SLC25A29: variants seen among roughly 807,000 people sequenced by gnomAD.
SLC25A29 encodes the protein solute carrier family 25 member 29, also known as mitochondrial basic amino acids transporter.
A neutral mutation model predicts 10.0 loss-of-function variants in SLC25A29; 13 were observed. That is an observed-to-expected ratio of 1.30 (90% confidence interval 0.85 to 2.07). The LOEUF is 2.07. SLC25A29 is among the 30% of genes most tolerant of loss of function. The pLI, the probability that SLC25A29 is intolerant of heterozygous loss-of-function variation, is 0.00. For synonymous variants in SLC25A29, 244 were observed against 221.1 expected, an observed-to-expected ratio of 1.10 and a Z score of -0.92; for missense variants, 475 against 447.6, an observed-to-expected ratio of 1.06 and a Z score of -0.55.
At chr14:100,301,331 A>G (rs1031637448) in intron 1 of SLC25A29, among the ~76,000 whole-genome samples, 2 of 151,078 alleles carry the variant, frequency 1.3e-5, no homozygotes, top group Non-Finnish European at 2.9e-5. Flanking sequence ...ACACCCAGCT[A>G]ATTTTTGTAT....
rs1891731900 is a variant in SLC25A29, at chr14:100,292,017, G to GT, written c.*265_*266insA. 3 of 497,010 alleles carry GT rather than the reference G, an allele frequency of 6.0e-6. No individual in the cohort carries two copies. Among genetic ancestry groups the GT allele is most frequent in the Non-Finnish European group, 1.1e-5 (3 of 279,476 alleles). The allele number at this position is 497,010 out of a possible 1,614,324, so 30.8% of individuals were successfully genotyped here. A position where few individuals can be genotyped will look rare whatever the true frequency, so the allele number is the denominator to read the frequency against. On this transcript the variant is annotated 3_prime_UTR_variant, in exon 4 of 4. Coordinates refer to ENST00000359232, the MANE Select transcript of SLC25A29 (RefSeq NM_001039355.3). ...ATAACGGTGCAATGGCCTCAGCCAG[G>GT]CCAGGTGCTGGCTGCTGCTGGGAAT...
chr14:100,292,977 TTGA>T lies in SLC25A29; in HGVS notation c.215_217del (p.Ile72del), dbSNP rs749365512. The T allele has an allele frequency of 7.5e-6, 12 of 1,596,818 alleles. No individual in the cohort carries two copies. The highest frequency in any genetic ancestry group is 9.4e-6 in the Non-Finnish European group (11 of 1,172,184). On this transcript the variant is annotated inframe_deletion, in exon 4 of 4. Coordinates refer to ENST00000359232, the MANE Select transcript of SLC25A29 (RefSeq NM_001039355.3). Reference sequence around the variant, plus strand: ...GCCCTGCACCCCGAACACCAGCGCGTTGATGAAGGTGAGCCCCATGAGCGGCGA... The same window carrying T: ...GCCCTGCACCCCGAACACCAGCGCGTTGAAGGTGAGCCCCATGAGCGGCGA...
chr14:100,293,248 T>C, intron 3 of SLC25A29, 46 bp downstream of exon 3: 2 of 1,596,526 alleles, frequency 1.3e-6, no homozygotes, highest in Non-Finnish European at 1.7e-6. Flanking sequence ...CGGAAGCTAG[T>C]TCCCCATCCT....
At position 100,292,471 on chromosome 14, in the gene SLC25A29, C is replaced by T; in HGVS notation, c.724G>A (p.Glu242Lys). The change falls in exon 4 of 4, where the codon GAG (glutamate) becomes AAG (lysine). Residue 242 changes from glutamate to lysine, a missense_variant. Glu to Lys is a moderately conservative substitution (Grantham distance 56). Transcript: ENST00000359232. ...LDCVHQSYRA[E>K]GWRVFTRGLA... ...CCCCGTGTGAAGACGCGCCAGCCCT[C>T]GGCGCGGTAGCTCTGGTGCACGCAG... The T allele has an allele frequency of 2.5e-6, 4 of 1,581,370 alleles. No individual in the cohort carries two copies. Among genetic ancestry groups the T allele is most frequent in the Non-Finnish European group, 3.4e-6 (4 of 1,165,650 alleles).
chr14:100,285,914 G>A, the SLC25A29 span, among the ~76,000 whole-genome samples: 1 of 152,180 alleles, frequency 6.6e-6, no homozygotes, highest in Non-Finnish European at 1.5e-5. Flanking sequence ...ACAGGGCCTT[G>A]GGGTGCCGGC....
chr14:100,289,401 GC>G (rs749181965), downstream of SLC25A29, among the ~76,000 whole-genome samples: 1 of 152,214 alleles, frequency 6.6e-6, no homozygotes, highest in Non-Finnish European at 1.5e-5. Context: ...TGTGTTGGAT[GC>G]CCTCTGGGAA....
At chr14:100,279,639 G>A in the SLC25A29 span, 1 of 152,298 alleles carries the variant, frequency 6.6e-6, no homozygotes, top group Non-Finnish European at 1.5e-5. Flanking sequence ...ATGAGAACGT[G>A]TAGTTCTTTG....
At chr14:100,285,058 GTA>G in the SLC25A29 span, among the ~76,000 whole-genome samples, 1 of 136,860 alleles carries the variant, frequency 7.3e-6, no homozygotes, top group African/African-American at 2.8e-5. Context: ...GGGGGGCGGG[GTA>G]GCTAGGGAGG....
At chr14:100,287,156 G>A (rs537758064), downstream of SLC25A29, among the ~76,000 whole-genome samples, 32 of 152,386 alleles carry the variant, frequency 2.1e-4, 1 homozygote, top group South Asian at 4.3e-3. Flanking sequence ...CCAGGCCAAT[G>A]ATGAGAAGGG....
At position 100,299,425 on chromosome 14, in the gene SLC25A29, C is replaced by G. The variant is rs1892393495; in HGVS notation, c.35-540G>C. 2.0e-5 allele frequency: 20 copies of G among 995,038 alleles called. 1 individual carries two copies. The South Asian group carries it at 8.8e-4, about 44-fold the overall frequency. The allele number at this position is 995,038 out of a possible 1,614,324, so 61.6% of individuals were successfully genotyped here. A position where few individuals can be genotyped will look rare whatever the true frequency, so the allele number is the denominator to read the frequency against. On this transcript the variant is annotated intron_variant, in intron 1 of 3. Coordinates refer to ENST00000359232, the MANE Select transcript of SLC25A29 (RefSeq NM_001039355.3). ...CCCCAGAGTGGCCACGGAGACTGAACAGGGTAATGGCCCCTTGGGAGTGAC... is the reference window on the plus strand; with the variant it reads ...CCCCAGAGTGGCCACGGAGACTGAAGAGGGTAATGGCCCCTTGGGAGTGAC...
intron 2 of SLC25A29, 41 bp from the exon 3 acceptor site, chr14:100,293,418 C>G: frequency 8.2e-6 from 13 of 1,586,450 alleles, no homozygotes; most frequent in Non-Finnish European, 1.1e-5. Flanking sequence ...CAGGCAGGAC[C>G]AGAGCACCCA....
chr14:100,288,354 C>T (rs1309938188), downstream of SLC25A29, among the ~76,000 whole-genome samples: 1 of 113,314 alleles, frequency 8.8e-6, no homozygotes, highest in Non-Finnish European at 1.7e-5. Context: ...TGCACTCCAG[C>T]CTGGGTGAAA....
chr14:100,285,690 G>A, the SLC25A29 span, among the ~76,000 whole-genome samples: 1 of 152,036 alleles, frequency 6.6e-6, no homozygotes, highest in Admixed American at 6.5e-5. Flanking sequence ...GAGGCCTCGG[G>A]CGGAGGAGAC....
At chr14:100,306,063 C>T (rs935033912) in intron 1 of SLC25A29, 136 bp downstream of exon 1, 1 of 566,734 alleles carries the variant, frequency 1.8e-6, no homozygotes, top group Non-Finnish European at 2.8e-6. Flanking sequence ...CCGCCCGAGG[C>T]AAGAGAACTG....
chr14:100,292,475 G>A lies in SLC25A29; in HGVS notation c.720C>T (p.Arg240=), dbSNP rs542481336. The change falls in exon 4 of 4, where the codon CGC becomes CGT. Residue 240 remains arginine (R), a synonymous_variant. Transcript: ENST00000359232. ...GTGTGAAGACGCGCCAGCCCTCGGC[G>A]CGGTAGCTCTGGTGCACGCAGTCCA... ...GILDCVHQSY[R]AEGWRVFTRG... The A allele has an allele frequency of 3.2e-6, 5 of 1,583,048 alleles. No individual in the cohort carries two copies. Among genetic ancestry groups the A allele is most frequent in the South Asian group, 1.1e-5 (1 of 87,432 alleles).
intron 1 of SLC25A29, among the ~76,000 whole-genome samples, chr14:100,301,181 T>C (rs1362902111): frequency 1.3e-5 from 2 of 151,320 alleles, no homozygotes; most frequent in Non-Finnish European, 3.0e-5. Context: ...TTACAGACTT[T>C]AGCCACCACG....
At position 100,292,616 on chromosome 14, in the gene SLC25A29, C is replaced by A; in HGVS notation, c.579G>T (p.Leu193=). The A allele has an allele frequency of 3.7e-6, 6 of 1,606,492 alleles. No homozygotes were observed. The highest frequency in any genetic ancestry group is 4.2e-6 in the Non-Finnish European group (5 of 1,177,346). ...PGDRLLVPKL[L]LAGGTSGIVS... is the part of the protein sequence containing the mutation. ...CGATGCCTGACGTACCGCCCGCCAA[C>A]AGCAGCTTGGGCACCAGCAGGCGGT... Residue 193 remains leucine, a synonymous_variant, in exon 4 of 4, where the codon CTG becomes CTT. Transcript: ENST00000359232.
chr14:100,281,118 C>T, the SLC25A29 span: 3 of 151,274 alleles, frequency 2.0e-5, no homozygotes, highest in African/African-American at 7.3e-5. Flanking sequence ...CACCTCCCCC[C>T]ACCCCCGACT....
chr14:100,281,061 C>CAAA, the SLC25A29 span: 3 of 100,882 alleles, frequency 3.0e-5, no homozygotes, highest in South Asian at 3.2e-4. Flanking sequence ...CTCCGTCTCC[C>CAAA]AAAAAAAAAA....
Sources: gnomAD v4.1 joint callset for allele counts (sites outside exome capture counted in the v4.1 genomes callset) on GRCh38, gnomAD v4.1.1 for gene constraint, MANE v1.5 for transcripts, NCBI Gene and HGNC (gene_info 2026-07-23, HGNC 2026-07-21) for gene names.